LDLRAD3: variants seen among roughly 807,000 people sequenced by gnomAD.
LDLRAD3 encodes low-density lipoprotein receptor class A domain-containing protein 3.
A neutral mutation model predicts 29.4 loss-of-function variants in LDLRAD3; 20 were observed. That is an observed-to-expected ratio of 0.68 (90% CI 0.48 to 0.99). The LOEUF (loss-of-function observed/expected upper bound fraction) is 0.99. Ranked by LOEUF, LDLRAD3 falls within the 50% of genes least tolerant of loss-of-function variation. The pLI is 0.00. For synonymous variants in LDLRAD3, 157 were observed against 192.7 expected (o/e 0.81, Z 1.53); for missense variants, 420 against 454.3 (o/e 0.92, Z 0.69).
intron 4 of LDLRAD3, among the ~76,000 whole-genome samples, chr11:36,202,979 C>A (rs1416820892): frequency 6.6e-6 from 1 of 152,144 alleles, no homozygotes; most frequent in Admixed American, 6.6e-5. Context: ...CTCTGTCGCC[C>A]AGGCTGGAGT....
At chr11:36,160,543 T>G (rs889957504) in intron 4 of LDLRAD3, among the ~76,000 whole-genome samples, 1 of 152,172 alleles carries the variant, frequency 6.6e-6, no homozygotes, top group Non-Finnish European at 1.5e-5. Context: ...TTAATGAGGC[T>G]CTCAGGGGTC....
intron 1 of LDLRAD3, among the ~76,000 whole-genome samples, chr11:35,990,029 AGT>A (rs1271211822): frequency 1.3e-5 from 2 of 152,124 alleles, no homozygotes; most frequent in African/African-American, 4.8e-5. Context: ...GTTTACTTAG[AGT>A]TATACAGCCT....
chr11:36,063,657 A>G (rs1852741954), intron 2 of LDLRAD3, among the ~76,000 whole-genome samples: 2 of 152,168 alleles, frequency 1.3e-5, no homozygotes, highest in South Asian at 4.1e-4. Flanking sequence ...TGTTTCAGCC[A>G]TTTGTTGAAA....
At chr11:36,216,222 C>T (rs556086457) in intron 4 of LDLRAD3, among the ~76,000 whole-genome samples, 1 of 152,310 alleles carries the variant, frequency 6.6e-6, no homozygotes, top group African/African-American at 2.4e-5. Context: ...CCCAGAGCTT[C>T]CTCCAACAGC....
chr11:36,109,147 G>A (rs953157988), intron 4 of LDLRAD3, among the ~76,000 whole-genome samples: 1 of 152,210 alleles, frequency 6.6e-6, no homozygotes, highest in South Asian at 2.1e-4. Flanking sequence ...GAACGCAGAA[G>A]CCCCAAAGCT....
At chr11:36,159,791 A>G (rs1173254896) in intron 4 of LDLRAD3, among the ~76,000 whole-genome samples, 3 of 151,634 alleles carry the variant, frequency 2.0e-5, no homozygotes, top group Non-Finnish European at 4.4e-5. Context: ...AACTCAGGGG[A>G]CAAGAATCAA....
chr11:36,051,086 G>T (rs1852521256), intron 2 of LDLRAD3, among the ~76,000 whole-genome samples: 1 of 152,166 alleles, frequency 6.6e-6, no homozygotes, highest in Non-Finnish European at 1.5e-5. Context: ...AGAATTTCAG[G>T]AGGACAAAAA....
chr11:35,965,167 A>G (rs1172664598), intron 1 of LDLRAD3, among the ~76,000 whole-genome samples: 2 of 152,176 alleles, frequency 1.3e-5, no homozygotes, highest in Non-Finnish European at 2.9e-5. Flanking sequence ...ACCCGCTTTT[A>G]TTTGATCAGA....
chr11:35,952,481 A>T (rs950267782), intron 1 of LDLRAD3, among the ~76,000 whole-genome samples: 2 of 152,216 alleles, frequency 1.3e-5, no homozygotes, highest in Non-Finnish European at 2.9e-5. Context: ...CTGTTCTCCT[A>T]TGTGGAGAAC....
At chr11:36,144,311 C>T (rs1182139196) in intron 4 of LDLRAD3, among the ~76,000 whole-genome samples, 1 of 150,172 alleles carries the variant, frequency 6.7e-6, no homozygotes, top group Non-Finnish European at 1.5e-5. Context: ...TGCCTTGGCC[C>T]CCCAAAGTGC....
chr11:36,192,902 G>A (rs747220996), intron 4 of LDLRAD3, among the ~76,000 whole-genome samples: 3 of 152,124 alleles, frequency 2.0e-5, no homozygotes, highest in African/African-American at 4.8e-5. Context: ...CAAACTCAAC[G>A]GAGTTCAAAT....
chr11:36,097,211 G>A (rs1282930371), intron 3 of LDLRAD3, among the ~76,000 whole-genome samples: 2 of 152,184 alleles, frequency 1.3e-5, no homozygotes, highest in African/African-American at 4.8e-5. Flanking sequence ...TAGGTTCATG[G>A]GCTTTTTTGT....
chr11:35,983,509 C>T (rs143073060), intron 1 of LDLRAD3, among the ~76,000 whole-genome samples: 12 of 152,312 alleles, frequency 7.9e-5, no homozygotes, highest in African/African-American at 2.2e-4. Context: ...GCTGGCTTAC[C>T]GTTCAGATGG....
chr11:36,147,009 C>T (rs1299873482), intron 4 of LDLRAD3, among the ~76,000 whole-genome samples: 1 of 150,782 alleles, frequency 6.6e-6, no homozygotes, highest in African/African-American at 2.4e-5. Context: ...AGGCTGGTCT[C>T]CAACTCCTAA....
chr11:36,019,333 A>G (rs11033377), intron 1 of LDLRAD3, among the ~76,000 whole-genome samples: 19,919 of 152,202 alleles, frequency 0.13, 1,584 homozygotes, highest in East Asian at 0.22. Context: ...AAAAGGAGAG[A>G]CAGGGAGAGT....
chr11:36,083,659 A>G (rs1189714204), intron 3 of LDLRAD3, among the ~76,000 whole-genome samples: 1 of 151,670 alleles, frequency 6.6e-6, no homozygotes, highest in Non-Finnish European at 1.5e-5. Context: ...ATTTTAGTTA[A>G]TCCTTTAGTA....
Position 36,098,401 on chromosome 11 carries a change from T to A in LDLRAD3, c.394T>A (p.Cys132Ser). 2 of 1,614,216 alleles carry A rather than the reference T, an allele frequency of 1.2e-6. No homozygotes were observed. Among genetic ancestry groups the A allele is most frequent in the Non-Finnish European group, 1.7e-6 (2 of 1,180,016 alleles). ...NGLCIDKSFI[C>S]DGQNNCQDNS... ...CCTCTGTATTGACAAGAGCTTCATCTGCGATGGACAGAATAACTGTCAAGA... is the reference window on the plus strand; with the variant it reads ...CCTCTGTATTGACAAGAGCTTCATCAGCGATGGACAGAATAACTGTCAAGA... Residue 132 changes from cysteine to serine, a missense_variant, in exon 4 of 6, where the codon TGC becomes AGC. Coordinates refer to ENST00000315571, the MANE Select transcript of LDLRAD3 (RefSeq NM_174902.4).
At chr11:36,122,343 G>A in intron 4 of LDLRAD3, among the ~76,000 whole-genome samples, 1 of 152,118 alleles carries the variant, frequency 6.6e-6, no homozygotes, top group East Asian at 1.9e-4. Context: ...GAAGTGGGAA[G>A]GGCTTGTGCT....
intron 1 of LDLRAD3, among the ~76,000 whole-genome samples, chr11:35,981,540 A>G (rs1008609819): frequency 3.3e-5 from 5 of 152,184 alleles, no homozygotes; most frequent in Non-Finnish European, 7.4e-5. Flanking sequence ...CACGCTGATG[A>G]AAAGATTTGT....
Sources: allele counts gnomAD v4.1 joint callset (sites outside exome capture counted in the v4.1 genomes callset), GRCh38; gene constraint gnomAD v4.1.1; transcripts MANE v1.5; gene names NCBI Gene and HGNC (gene_info 2026-07-23, HGNC 2026-07-21).